Variants in MTHFD1 observed in about 807,000 individuals in gnomAD.
MTHFD1 encodes the protein C-1-tetrahydrofolate synthase, cytoplasmic.
A neutral mutation model predicts 110.3 loss-of-function variants in MTHFD1; 44 were observed. The ratio of observed to expected loss-of-function variants is 0.40; its 90% CI spans 0.31 to 0.51. The LOEUF is 0.51. Ranked by LOEUF, MTHFD1 falls within the 20% of genes least tolerant of loss-of-function variation. The pLI is 0.60. For missense variants in MTHFD1, 909 were observed against 1,173.1 expected (o/e 0.77, Z 3.29); for synonymous variants, 402 against 428.8 (o/e 0.94, Z 0.77).
intron 27 of MTHFD1, chr14:64,458,519 G>A (rs1183295218): frequency 3.5e-6 from 2 of 579,124 alleles, no homozygotes; most frequent in Non-Finnish European, 6.2e-6. Flanking sequence ...TGGAAGAAGC[G>A]CAGCATGGCT....
chr14:64,436,472 C>T (rs2078206982), intron 16 of MTHFD1, among the ~76,000 whole-genome samples: 1 of 152,170 alleles, frequency 6.6e-6, no homozygotes, highest in Non-Finnish European at 1.5e-5. Flanking sequence ...AAATACTTAC[C>T]AGTTCAGTAA....
chr14:64,426,991 A>C (rs1475185677), intron 11 of MTHFD1, among the ~76,000 whole-genome samples: 2 of 152,226 alleles, frequency 1.3e-5, no homozygotes, highest in Admixed American at 1.3e-4. Context: ...TTTGGAAATT[A>C]CAACTAAGAC....
At chr14:64,401,122 G>C (rs1319568097) in intron 2 of MTHFD1, among the ~76,000 whole-genome samples, 3 of 151,612 alleles carry the variant, frequency 2.0e-5, no homozygotes, top group Non-Finnish European at 4.4e-5. Flanking sequence ...TCTTAGTAGG[G>C]CCCCTTTACA....
At chr14:64,419,194 G>A (rs2078050676) in intron 7 of MTHFD1, 1 of 163,908 alleles carries the variant, frequency 6.1e-6, no homozygotes, top group Non-Finnish European at 1.3e-5. Context: ...CTGCCTCGTG[G>A]TGGACAGGGA....
At chr14:64,427,689 C>T (rs2078128400) in intron 12 of MTHFD1, among the ~76,000 whole-genome samples, 1 of 152,212 alleles carries the variant, frequency 6.6e-6, no homozygotes, top group South Asian at 2.1e-4. Flanking sequence ...CAGGGATTCT[C>T]TGGGATGGGT....
At chr14:64,401,126 C>T (rs186153360) in intron 2 of MTHFD1, among the ~76,000 whole-genome samples, 7 of 151,952 alleles carry the variant, frequency 4.6e-5, no homozygotes, top group African/African-American at 7.2e-5. Context: ...AGTAGGGCCC[C>T]TTTACAATCT....
At chr14:64,458,078 T>C in intron 26 of MTHFD1, 136 bp from the exon 27 acceptor site, 2 of 764,600 alleles carry the variant, frequency 2.6e-6, no homozygotes, top group South Asian at 2.7e-5. Context: ...CCTGTAGAGA[T>C]GGGGGTCTCA....
At chr14:64,426,355 AG>A (rs1473480868) in intron 11 of MTHFD1, among the ~76,000 whole-genome samples, 163 bp downstream of exon 11, 1 of 152,228 alleles carries the variant, frequency 6.6e-6, no homozygotes, top group Non-Finnish European at 1.5e-5. Flanking sequence ...CCTGAGAGGT[AG>A]GTAAGAATAG....
chr14:64,432,001 C>A, intron 15 of MTHFD1, 140 bp downstream of exon 15: 1 of 716,648 alleles, frequency 1.4e-6, no homozygotes, highest in South Asian at 1.6e-5. Flanking sequence ...TCATGATATA[C>A]ATAGCAAAGA....
Position 64,416,012 on chromosome 14 carries a change from G to A in MTHFD1, c.478+273G>A, listed in dbSNP as rs146424518. On this transcript the variant is annotated intron_variant, in intron 6 of 27. Transcript: ENST00000652337. Reference sequence around the variant, plus strand: ...TCCCAGCACTTTGGGAGGCTGAAGCGGGCTGAGATCACCTGAGGTCAGGAA... The same window carrying A: ...TCCCAGCACTTTGGGAGGCTGAAGCAGGCTGAGATCACCTGAGGTCAGGAA... 1.1e-4 allele frequency among the ~76,000 whole-genome samples: 17 copies of A among 152,284 alleles called. No homozygotes were observed. The East Asian group carries it at 3.1e-3, about 28-fold the overall frequency.
At chr14:64,424,679 A>T in intron 8 of MTHFD1, 125 bp from the exon 9 acceptor site, 1 of 1,016,106 alleles carries the variant, frequency 9.8e-7, no homozygotes, top group Non-Finnish European at 1.5e-6. Context: ...ATAGCTTTTA[A>T]GTTAAGTAGG....
chr14:64,441,636 C>T (rs369608161), intron 19 of MTHFD1, 183 bp downstream of exon 19: 3 of 622,008 alleles, frequency 4.8e-6, no homozygotes, highest in East Asian at 3.1e-5. Flanking sequence ...GAAACCCCGT[C>T]TCTACTAAAA....
At chr14:64,418,949 T>C (rs1457478540) in intron 7 of MTHFD1, among the ~76,000 whole-genome samples, 1 of 151,978 alleles carries the variant, frequency 6.6e-6, no homozygotes, top group African/African-American at 2.4e-5. Context: ...TTTGAACTCC[T>C]GGGCTCGAGT....
chr14:64,454,528 C>T (rs920400108), intron 25 of MTHFD1, among the ~76,000 whole-genome samples, 195 bp from the exon 26 acceptor site: 2 of 151,396 alleles, frequency 1.3e-5, no homozygotes, highest in Admixed American at 6.6e-5. Context: ...GAGTACCTAA[C>T]TCCCTCACCC....
rs528925155 is a variant in MTHFD1 at position 64,420,383 on chromosome 14, A to T, written c.727+458A>T. ...GGTTTTTTTCTAGGCTGAGAGGATA[A>T]ATCTAGCCTTTTAATCATGTCCAAA... On this transcript the variant is annotated intron_variant, in intron 8 of 27. Transcript: ENST00000652337. 1.2e-4 allele frequency among the ~76,000 whole-genome samples: 18 copies of T among 152,176 alleles called. No individual in the cohort carries two copies. The South Asian group carries it at 3.7e-3, about 32-fold the overall frequency.
chr14:64,448,874 G>A (rs1447749627), intron 23 of MTHFD1, among the ~76,000 whole-genome samples: 4 of 151,036 alleles, frequency 2.6e-5, no homozygotes, highest in Non-Finnish European at 4.4e-5. Context: ...ATCTCCACTC[G>A]CTGCAAGCTC....
intron 24 of MTHFD1, among the ~76,000 whole-genome samples, chr14:64,450,253 A>C (rs1003947247): frequency 3.9e-5 from 6 of 152,232 alleles, no homozygotes; most frequent in Non-Finnish European, 7.3e-5. Context: ...TATGTAATTC[A>C]CTGTAGCCTT....
intron 11 of MTHFD1, 147 bp from the exon 12 acceptor site, chr14:64,427,190 G>A (rs2078125369): frequency 1.1e-6 from 1 of 873,054 alleles, no homozygotes; most frequent in Non-Finnish European, 1.8e-6. Flanking sequence ...TATATAGCTG[G>A]GACTACAGGC....
intron 2 of MTHFD1, among the ~76,000 whole-genome samples, chr14:64,402,340 C>T (rs1364817844): frequency 6.6e-6 from 1 of 152,202 alleles, no homozygotes; most frequent in Admixed American, 6.5e-5. Flanking sequence ...CACCAACAAG[C>T]TCATCAGAGA....
Sources: allele counts gnomAD v4.1 joint callset (sites outside exome capture counted in the v4.1 genomes callset), GRCh38; gene constraint gnomAD v4.1.1; transcripts MANE v1.5; gene names NCBI Gene and HGNC (gene_info 2026-07-23, HGNC 2026-07-21).